SORCS3: variants seen among roughly 807,000 people sequenced by gnomAD.
SORCS3 encodes the protein VPS10 domain-containing receptor SorCS3.
A neutral mutation model predicts 146.3 loss-of-function variants in SORCS3; 57 were observed. The ratio of observed to expected loss-of-function variants is 0.39; its 90% CI spans 0.31 to 0.49. The LOEUF (loss-of-function observed/expected upper bound fraction) is 0.49, where lower values mean the gene tolerates loss of function less well. Ranked by LOEUF, SORCS3 falls within the 20% of genes least tolerant of loss-of-function variation. SORCS3 has a pLI of 0.92. For synonymous variants in SORCS3, 653 were observed against 618.5 expected (o/e 1.06, Z -0.83); for missense variants, 1,341 against 1,575.5 (o/e 0.85, Z 2.52).
chr10:104,883,978 G>GT (rs1554856914), intron 2 of SORCS3, among the ~76,000 whole-genome samples: 2 of 146,114 alleles, frequency 1.4e-5, no homozygotes, highest in Non-Finnish European at 3.0e-5. Context: ...TGTGGAATGA[G>GT]GGGGGGGAAA....
chr10:104,739,388 C>T (rs1175669610), intron 1 of SORCS3, among the ~76,000 whole-genome samples: 2 of 152,164 alleles, frequency 1.3e-5, no homozygotes, highest in African/African-American at 4.8e-5. Flanking sequence ...CACCTCAGGG[C>T]AAATTCAGGC....
chr10:104,988,502 A>G (rs912870473), intron 4 of SORCS3, among the ~76,000 whole-genome samples: 1 of 152,154 alleles, frequency 6.6e-6, no homozygotes, highest in Non-Finnish European at 1.5e-5. Flanking sequence ...ACAACAAGGC[A>G]GTTGTGTTTT....
chr10:104,839,629 C>T (rs1564695448), intron 1 of SORCS3, among the ~76,000 whole-genome samples: 1 of 152,172 alleles, frequency 6.6e-6, no homozygotes, highest in Non-Finnish European at 1.5e-5. Context: ...GCGGAGGAAG[C>T]CAGTAAAGGT....
rs1199705388 is a variant in SORCS3 at position 105,041,403 on chromosome 10, T to TA, written c.955-1644dup. 1.8e-3 allele frequency among the ~76,000 whole-genome samples: 254 copies of TA among 143,172 alleles called. 2 individuals carry two copies. The highest frequency in any genetic ancestry group is 4.6e-3 in the African/African-American group (179 of 39,028). The allele number at this position is 143,172 out of a possible 152,430, so 93.9% of individuals were successfully genotyped here. The stretch of plus-strand genomic sequence containing the variant: ...CAACATTACAGGCTATTTTGAGGAT[T>TA]AAAAAAAATATATATATATATATAC... On this transcript the variant is annotated intron_variant, in intron 4 of 26. Transcript: ENST00000369701.
At chr10:105,076,374 A>T (rs2055589421) in intron 5 of SORCS3, among the ~76,000 whole-genome samples, 1 of 152,196 alleles carries the variant, frequency 6.6e-6, no homozygotes, top group Non-Finnish European at 1.5e-5. Context: ...CCTGAGCTTG[A>T]GACTGAGAAT....
intron 3 of SORCS3, among the ~76,000 whole-genome samples, chr10:104,933,600 T>A (rs1213925006): frequency 6.6e-6 from 1 of 152,134 alleles, no homozygotes; most frequent in Non-Finnish European, 1.5e-5. Context: ...GGTGCATTGA[T>A]GGAAGTTATA....
At chr10:105,132,006 TG>T (rs1397037065) in intron 7 of SORCS3, among the ~76,000 whole-genome samples, 1 of 152,154 alleles carries the variant, frequency 6.6e-6, no homozygotes, top group Non-Finnish European at 1.5e-5. Flanking sequence ...ACATATTTTC[TG>T]GGAATTGGAA....
intron 4 of SORCS3, among the ~76,000 whole-genome samples, chr10:104,995,308 C>G (rs528544617): frequency 1.1e-4 from 17 of 151,900 alleles, no homozygotes; most frequent in Admixed American, 7.9e-4. Flanking sequence ...CACAGGTGCA[C>G]GCCACCATGA....
chr10:105,220,742 C>G (rs929319607), intron 19 of SORCS3, among the ~76,000 whole-genome samples: 8 of 152,124 alleles, frequency 5.3e-5, no homozygotes, highest in African/African-American at 1.7e-4. Flanking sequence ...CAGCCTCTTT[C>G]TCTTCCCCAT....
In SORCS3 at chr10:104,725,026, C is replaced by T. The variant is rs574478675; in HGVS notation, c.627+83072C>T. 1.1e-4 allele frequency among the ~76,000 whole-genome samples: 16 copies of T among 152,330 alleles called. No individual in the cohort carries two copies. The East Asian group carries it at 2.5e-3, about 24-fold the overall frequency. ...TTGTTCTGTTGCTGGTGAGGAGCTG[C>T]ATTCCTTTGGAGGAGGAGAGGTGCT... On this transcript the variant is annotated intron_variant, in intron 1 of 26. Transcript: ENST00000369701.
intron 1 of SORCS3, among the ~76,000 whole-genome samples, chr10:104,785,331 A>G (rs1429305512): frequency 1.4e-5 from 2 of 143,886 alleles, no homozygotes; most frequent in South Asian, 2.4e-4. Context: ...TCAGGGTTAA[A>G]TGGATTAAGG....
intron 1 of SORCS3, among the ~76,000 whole-genome samples, chr10:104,646,199 T>G (rs1043147329): frequency 2.0e-5 from 3 of 152,314 alleles, no homozygotes; most frequent in African/African-American, 7.2e-5. Flanking sequence ...GATGGCTGGA[T>G]TACAGGATGT....
chr10:104,872,941 A>T (rs1487387746), intron 2 of SORCS3, among the ~76,000 whole-genome samples: 1 of 152,246 alleles, frequency 6.6e-6, no homozygotes, highest in African/African-American at 2.4e-5. Flanking sequence ...AAGGACTGAT[A>T]TGCCATTTGC....
At chr10:104,925,787 T>G (rs1173869633) in intron 3 of SORCS3, among the ~76,000 whole-genome samples, 1 of 152,162 alleles carries the variant, frequency 6.6e-6, no homozygotes, top group African/African-American at 2.4e-5. Flanking sequence ...CTGGAGAAGG[T>G]AGCAAGGAGA....
chr10:105,200,791 C>T (rs1027431405), intron 15 of SORCS3, among the ~76,000 whole-genome samples: 7 of 152,124 alleles, frequency 4.6e-5, no homozygotes, highest in Non-Finnish European at 1.0e-4. Context: ...GCTACTGAAG[C>T]CATTTGGGCA....
chr10:104,791,727 T>C (rs565451693), intron 1 of SORCS3, among the ~76,000 whole-genome samples: 1 of 152,168 alleles, frequency 6.6e-6, no homozygotes, highest in African/African-American at 2.4e-5. Context: ...TGTGGATGAC[T>C]GAGGATGACT....
At chr10:105,003,022 C>T (rs2055071349) in intron 4 of SORCS3, among the ~76,000 whole-genome samples, 1 of 152,140 alleles carries the variant, frequency 6.6e-6, no homozygotes, top group Non-Finnish European at 1.5e-5. Context: ...AATGCAGGCA[C>T]AGAAAAGTTC....
chr10:105,064,900 AAT>A (rs1175403290), intron 5 of SORCS3, among the ~76,000 whole-genome samples: 2 of 152,226 alleles, frequency 1.3e-5, no homozygotes, highest in African/African-American at 4.8e-5. Context: ...ACCCAGAAAT[AAT>A]AGTTTACCAA....
At chr10:104,840,197 A>G (rs1023734001) in intron 1 of SORCS3, among the ~76,000 whole-genome samples, 6 of 152,160 alleles carry the variant, frequency 3.9e-5, no homozygotes, top group African/African-American at 1.4e-4. Flanking sequence ...CATGGCAGCT[A>G]CTGAGAGGAA....
Sources: gnomAD v4.1 joint callset for allele counts (sites outside exome capture counted in the v4.1 genomes callset) on GRCh38, gnomAD v4.1.1 for gene constraint, MANE v1.5 for transcripts, NCBI Gene and HGNC (gene_info 2026-07-23, HGNC 2026-07-21) for gene names.